The following CNTN5 variants were observed in gnomAD, a reference collection of about 807,000 sequenced individuals.
CNTN5 encodes contactin-5.
In CNTN5, 77 loss-of-function variants were observed where a neutral mutation model predicts 129.1. The ratio of observed to expected loss-of-function variants is 0.60; its 90% CI spans 0.50 to 0.72. The LOEUF (loss-of-function observed/expected upper bound fraction) is 0.72, where lower values mean the gene tolerates loss of function less well. Among genes scored for constraint, CNTN5 ranks in the 30% least tolerant of loss-of-function variants. The pLI is 0.00. For missense variants in CNTN5, 1,478 were observed against 1,328.8 expected (o/e 1.11, Z -1.75); for synonymous variants, 509 against 465.6 (o/e 1.09, Z -1.20).
At chr11:100,273,450 G>C (rs1320421256) in intron 18 of CNTN5, among the ~76,000 whole-genome samples, 4 of 152,056 alleles carry the variant, frequency 2.6e-5, no homozygotes, top group Admixed American at 2.6e-4. Context: ...GAGTCTTAGT[G>C]GGTACAGAGC....
chr11:99,316,646 G>T (rs963901850), intron 1 of CNTN5, among the ~76,000 whole-genome samples: 2 of 151,652 alleles, frequency 1.3e-5, no homozygotes, highest in African/African-American at 2.4e-5. Flanking sequence ...GGGCACACAT[G>T]CTAATGTATT....
intron 14 of CNTN5, among the ~76,000 whole-genome samples, chr11:100,192,143 T>C (rs1477643333): frequency 2.0e-5 from 3 of 152,030 alleles, no homozygotes; most frequent in Non-Finnish European, 2.9e-5. Flanking sequence ...TATAATGCAT[T>C]ACTGGACTCA....
chr11:99,825,708 A>C (rs1946932419), intron 4 of CNTN5, among the ~76,000 whole-genome samples: 1 of 152,046 alleles, frequency 6.6e-6, no homozygotes, highest in Non-Finnish European at 1.5e-5. Flanking sequence ...TTTGTACTTT[A>C]AGTATCTGCT....
At chr11:99,794,297 T>C (rs1161455564) in intron 3 of CNTN5, among the ~76,000 whole-genome samples, 1 of 152,110 alleles carries the variant, frequency 6.6e-6, no homozygotes, top group Non-Finnish European at 1.5e-5. Context: ...TCCATCCCTT[T>C]ACTGTGAAAG....
At chr11:99,595,580 C>T (rs1375771974) in intron 3 of CNTN5, among the ~76,000 whole-genome samples, 1 of 151,926 alleles carries the variant, frequency 6.6e-6, no homozygotes, top group African/African-American at 2.4e-5. Flanking sequence ...GGTAAATATG[C>T]CACAGGAATC....
intron 1 of CNTN5, among the ~76,000 whole-genome samples, chr11:99,293,344 A>G (rs927715614): frequency 6.6e-6 from 1 of 152,066 alleles, no homozygotes; most frequent in Admixed American, 6.5e-5. Flanking sequence ...TATTTTGTTG[A>G]GAATTTTTGC....
chr11:99,313,555 C>T (rs539078283), intron 1 of CNTN5, among the ~76,000 whole-genome samples: 28 of 152,020 alleles, frequency 1.8e-4, no homozygotes, highest in African/African-American at 6.7e-4. Context: ...TATGGGGATC[C>T]TATCTGCTCC....
chr11:99,764,218 T>A (rs1944679100), intron 3 of CNTN5, among the ~76,000 whole-genome samples: 1 of 151,992 alleles, frequency 6.6e-6, no homozygotes, highest in Non-Finnish European at 1.5e-5. Flanking sequence ...CTTTGATATA[T>A]CTAGTAGTTC....
intron 1 of CNTN5, among the ~76,000 whole-genome samples, chr11:99,243,007 G>T (rs1335680431): frequency 6.6e-6 from 1 of 152,160 alleles, no homozygotes; most frequent in African/African-American, 2.4e-5. Context: ...CCAGTAATGG[G>T]ATTCCTGGCT....
At chr11:99,557,506 A>T (rs2135541365) in intron 3 of CNTN5, among the ~76,000 whole-genome samples, 1 of 151,640 alleles carries the variant, frequency 6.6e-6, no homozygotes, top group African/African-American at 2.4e-5. Flanking sequence ...GTATTGTGTA[A>T]CATGAAGAAA....
intron 1 of CNTN5, among the ~76,000 whole-genome samples, chr11:99,260,397 A>G (rs1262854565): frequency 6.6e-6 from 1 of 151,842 alleles, no homozygotes; most frequent in Non-Finnish European, 1.5e-5. Context: ...AAAAAATGGA[A>G]TTTTAAAAAT....
chr11:99,667,590 A>G (rs747004054), intron 3 of CNTN5, among the ~76,000 whole-genome samples: 1 of 152,212 alleles, frequency 6.6e-6, no homozygotes, highest in Non-Finnish European at 1.5e-5. Context: ...CAAAGCTATT[A>G]AAATACGTGT....
At position 99,743,844 on chromosome 11, in the gene CNTN5, G is replaced by A. The variant is rs540089835; in HGVS notation, c.56-75700G>A. Among the ~76,000 whole-genome samples the A allele has an allele frequency of 9.9e-5, 15 of 152,212 alleles. No homozygotes were observed. The South Asian group carries it at 1.2e-3, about 13-fold the overall frequency. ...CTAAATATAGATAAGTATTAAGGTC[G>A]TCCACTTCCACAGATTTTCTCTAAT... On this transcript the variant is annotated intron_variant, in intron 3 of 24. Coordinates refer to ENST00000524871, the MANE Select transcript of CNTN5 (RefSeq NM_014361.4).
At chr11:99,803,216 G>A (rs1187357194) in intron 3 of CNTN5, among the ~76,000 whole-genome samples, 1 of 152,172 alleles carries the variant, frequency 6.6e-6, no homozygotes, top group African/African-American at 2.4e-5. Context: ...GGGCCCTGCT[G>A]CACCACGATC....
At chr11:99,730,916 C>T (rs888503278) in intron 3 of CNTN5, among the ~76,000 whole-genome samples, 1 of 152,096 alleles carries the variant, frequency 6.6e-6, no homozygotes, top group Admixed American at 6.5e-5. Flanking sequence ...TATGCATGTA[C>T]CCATTAACCA....
intron 3 of CNTN5, among the ~76,000 whole-genome samples, chr11:99,620,977 T>A (rs78377519): frequency 1.7e-5 from 2 of 117,484 alleles, no homozygotes; most frequent in African/African-American, 5.7e-5. Flanking sequence ...CTTGTATGCC[T>A]ATTTTTTTTC....
intron 9 of CNTN5, among the ~76,000 whole-genome samples, chr11:100,052,732 A>C (rs947460783): frequency 2.0e-5 from 3 of 151,822 alleles, no homozygotes; most frequent in Non-Finnish European, 4.4e-5. Context: ...CATGAAATTC[A>C]AAGCATATGA....
chr11:99,733,619 A>C (rs1943607813), intron 3 of CNTN5, among the ~76,000 whole-genome samples: 1 of 152,116 alleles, frequency 6.6e-6, no homozygotes, highest in African/African-American at 2.4e-5. Flanking sequence ...CATTGTCTCC[A>C]AAATACTTGT....
chr11:99,036,201 A>T (rs1358302348), intron 1 of CNTN5, among the ~76,000 whole-genome samples: 5 of 152,150 alleles, frequency 3.3e-5, no homozygotes, highest in African/African-American at 1.2e-4. Flanking sequence ...TGCTTGGATA[A>T]ATATTAATTT....
Sources: gnomAD v4.1 joint callset for allele counts (sites outside exome capture counted in the v4.1 genomes callset) on GRCh38, gnomAD v4.1.1 for gene constraint, MANE v1.5 for transcripts, NCBI Gene and HGNC (gene_info 2026-07-23, HGNC 2026-07-21) for gene names.